Variants in FAM217A observed in about 807,000 individuals in gnomAD.
FAM217A encodes the protein family with sequence similarity 217 member A.
In FAM217A, 13 loss-of-function variants were observed where a neutral mutation model predicts 18.5. The ratio of observed to expected loss-of-function variants is 0.70; its 90% CI spans 0.46 to 1.12. FAM217A has a LOEUF of 1.12. FAM217A is among the 50% of genes most tolerant of loss of function. The pLI is 0.00. For missense variants in FAM217A, 560 were observed against 575.4 expected, an observed-to-expected ratio of 0.97 and a Z score of 0.27; for synonymous variants, 161 against 202.8, an observed-to-expected ratio of 0.79 and a Z score of 1.75.
rs541242362 is a variant in FAM217A at position 4,076,322 on chromosome 6, C to G, written c.60+1033G>C. Among the ~76,000 whole-genome samples the G allele has an allele frequency of 1.7e-3, 244 of 139,910 alleles. 2 individuals carry two copies. Among genetic ancestry groups the G allele is most frequent in the Non-Finnish European group, 2.0e-3 (132 of 65,602 alleles). The allele number at this position is 139,910 out of a possible 152,430, so 91.8% of individuals were successfully genotyped here. ...CCACCCTGGGTGACAGAGTGAGACT[C>G]CGTCTCAAAAAAAAAGAAAAAAAAA... On this transcript the variant is annotated intron_variant, in intron 2 of 6. Transcript: ENST00000274673.
chr6:4,086,414 C>G, intron 1 of FAM217A, among the ~76,000 whole-genome samples: 1 of 146,650 alleles, frequency 6.8e-6, no homozygotes, highest in East Asian at 2.0e-4. Context: ...CCATTACACT[C>G]CTGCCTGGGC....
intron 1 of FAM217A, among the ~76,000 whole-genome samples, chr6:4,078,588 G>A (rs1770026923): frequency 6.6e-6 from 1 of 152,188 alleles, no homozygotes; most frequent in Non-Finnish European, 1.5e-5. Flanking sequence ...GTGTCAAGAA[G>A]GAGGGCATCC....
Position 4,079,055 on chromosome 6 carries a change from G to A in FAM217A, c.-238C>T. On this transcript the variant is annotated 5_prime_UTR_variant, in exon 1 of 7. Coordinates refer to ENST00000274673, the MANE Select transcript of FAM217A (RefSeq NM_173563.3). ...CAGTGCAGGGCCTGCGAAGCCCGCG[G>A]GCCGGCGCAGGGGTGGGAGTCGGGC... The A allele has an allele frequency of 2.7e-6, 1 of 372,160 alleles. No homozygotes were observed. The highest frequency in any genetic ancestry group is 4.8e-6 in the Non-Finnish European group (1 of 208,928). 23.1% of individuals were successfully genotyped at this position (372,160 alleles called of 1,614,324 possible).
rs1770536500 is a variant in FAM217A at position 4,084,787 on chromosome 6, G to C, written c.42C>G (p.Tyr14Ter). 1.4e-6 allele frequency: 1 copy of C among 702,992 alleles called. No individual in the cohort carries two copies. The allele number at this position is 702,992 out of a possible 1,614,324, so 43.5% of individuals were successfully genotyped here. Residue 14 changes from tyrosine (Y) to a stop codon, truncating the protein, a stop_gained, in exon 2 of 9, where the codon TAC becomes TAG. Transcript: ENST00000639338. LOFTEE classifies it high-confidence loss of function. Reference sequence around the variant, plus strand: ...CACCATGGCGAGGGGGAAGAAGAAGGTATTCAGGAGACACAGCAACCCTCT... The same window carrying C: ...CACCATGGCGAGGGGGAAGAAGAAGCTATTCAGGAGACACAGCAACCCTCT...
upstream of FAM217A, among the ~76,000 whole-genome samples, chr6:4,080,921 AAAAG>A (rs1461452606): frequency 3.3e-5 from 5 of 151,884 alleles, no homozygotes; most frequent in African/African-American, 4.9e-5. Flanking sequence ...CAAAAAAAAA[AAAAG>A]GAGAGAAAAC....
Position 4,073,433 on chromosome 6 carries a change from C to G in FAM217A, c.234G>C (p.Gln78His). 1 of 1,612,048 alleles carries G rather than the reference C, an allele frequency of 6.2e-7. No individual in the cohort carries two copies. The highest frequency in any genetic ancestry group is 1.3e-5 in the African/African-American group (1 of 74,926). ...NLSVHSQKSTQNSKQGIFQLW... is the reference protein window; with the variant it reads ...NLSVHSQKSTHNSKQGIFQLW... ...AAGGGTATGAAGAATAAAATCCCAC[C>G]TGTGTACTTTTTTGACTATGCACCG... The change falls in exon 5 of 7, where the codon CAG (glutamine) becomes CAC (histidine). Residue 78 changes from glutamine (Q) to histidine (H), a missense_variant and splice_region_variant. Gln to His is a conservative substitution (Grantham distance 24). Transcript: ENST00000274673.
chr6:4,074,417 C>A, intron 4 of FAM217A, 26 bp downstream of exon 4: 1 of 1,559,822 alleles, frequency 6.4e-7, no homozygotes, highest in Non-Finnish European at 8.8e-7. Flanking sequence ...TTTATGAATA[C>A]CTTAAAACCA....
At chr6:4,087,230 T>C (rs1006159403), upstream of FAM217A, 9 of 1,021,508 alleles carry the variant, frequency 8.8e-6, no homozygotes, top group African/African-American at 1.2e-4. Flanking sequence ...AGCAAAGCTC[T>C]CAGTTTTCCC....
chr6:4,082,584 CAG>C (rs1770371935), upstream of FAM217A, among the ~76,000 whole-genome samples: 1 of 152,192 alleles, frequency 6.6e-6, no homozygotes, highest in Non-Finnish European at 1.5e-5. Context: ...ACCCCCATTC[CAG>C]AGAGTGGCCC....
intron 2 of FAM217A, among the ~76,000 whole-genome samples, chr6:4,076,532 G>A (rs1769807420): frequency 6.6e-6 from 1 of 152,144 alleles, no homozygotes; most frequent in African/African-American, 2.4e-5. Flanking sequence ...AAATGCACGT[G>A]AGAGAAATAT....
chr6:4,075,768 A>G (rs933385891), intron 2 of FAM217A, among the ~76,000 whole-genome samples: 1 of 152,236 alleles, frequency 6.6e-6, no homozygotes, highest in Non-Finnish European at 1.5e-5. Context: ...TTCACTAAGG[A>G]GGAACAGAGA....
intron 2 of FAM217A, chr6:4,084,568 C>CA (rs1353817626): frequency 1.4e-6 from 1 of 702,454 alleles, no homozygotes; most frequent in African/African-American, 1.7e-5. Context: ...GTCTCAGTGT[C>CA]AGAACTTACT....
rs767535287 is a variant in FAM217A, at chr6:4,084,571, A to G, written c.251+7T>C. On this transcript the variant is annotated splice_region_variant and intron_variant, in intron 2 of 8. Coordinates refer to the FAM217A transcript ENST00000639338. ...ATTTTGGTTAAAGTCTCAGTGTCAGAACTTACTTTCTGGTGCCAGGAAAGG... is the reference window on the plus strand; with the variant it reads ...ATTTTGGTTAAAGTCTCAGTGTCAGGACTTACTTTCTGGTGCCAGGAAAGG... 27 of 702,664 alleles carry G rather than the reference A, an allele frequency of 3.8e-5. 1 individual carries two copies. Among genetic ancestry groups the G allele is most frequent in the Non-Finnish European group, 1.0e-5 (4 of 384,882 alleles). The allele number at this position is 702,664 out of a possible 1,614,324, so 43.5% of individuals were successfully genotyped here.
At position 4,068,550 on chromosome 6, in the gene FAM217A, C is replaced by G. The variant is rs972470555; in HGVS notation, c.*146G>C. The stretch of plus-strand genomic sequence containing the variant: ...ATAGACATCTCAGCAGTGCTTTTCA[C>G]AAGTTCTACTCCATATCACATCAAG... On this transcript the variant is annotated 3_prime_UTR_variant, in exon 7 of 7. Transcript: ENST00000274673. 3 of 816,466 alleles carry G rather than the reference C, an allele frequency of 3.7e-6. No homozygotes were observed. In the South Asian group the frequency reaches 6.1e-5, roughly 17 times the overall value. 50.6% of individuals were successfully genotyped at this position (816,466 alleles called of 1,614,324 possible). A position where few individuals can be genotyped will look rare whatever the true frequency, so the allele number is the denominator to read the frequency against.
Position 4,074,433 on chromosome 6 carries a change from T to G in FAM217A, c.159+10A>C. 6.4e-7 allele frequency: 1 copy of G among 1,570,458 alleles called. No individual in the cohort carries two copies. Among genetic ancestry groups the G allele is most frequent in the African/African-American group, 1.4e-5 (1 of 73,610 alleles). ...TTATGAATACCTTAAAACCAAACAT[T>G]CATCCTTACCTTGTTAATTTTGCCT... is the stretch of plus-strand genomic sequence containing the variant. On this transcript the variant is annotated intron_variant, in intron 4 of 6. Transcript: ENST00000274673.
Position 4,078,877 on chromosome 6 carries a change from C to A in FAM217A, c.-60G>T. 1 of 551,500 alleles carries A rather than the reference C, an allele frequency of 1.8e-6. No individual in the cohort carries two copies. The highest frequency in any genetic ancestry group is 3.3e-6 in the Non-Finnish European group (1 of 306,292). 34.2% of individuals were successfully genotyped at this position (551,500 alleles called of 1,614,324 possible). On this transcript the variant is annotated 5_prime_UTR_variant, in exon 1 of 7. Coordinates refer to ENST00000274673, the MANE Select transcript of FAM217A (RefSeq NM_173563.3). ...CGCGCGAAGGCCCACGTGTCCTCCCCGGCGTGCTCTCCCGGTGCGCCGCCC... is the reference window on the plus strand; with the variant it reads ...CGCGCGAAGGCCCACGTGTCCTCCCAGGCGTGCTCTCCCGGTGCGCCGCCC...
upstream of FAM217A, among the ~76,000 whole-genome samples, chr6:4,080,924 AG>A (rs1770253869): frequency 6.7e-6 from 1 of 149,538 alleles, no homozygotes; most frequent in African/African-American, 2.5e-5. Flanking sequence ...AAAAAAAAAA[AG>A]GAGAGAAAAC....
intron 4 of FAM217A, 68 bp from the exon 5 acceptor site, chr6:4,073,575 T>C (rs958184968): frequency 1.6e-6 from 2 of 1,274,482 alleles, no homozygotes; most frequent in Non-Finnish European, 2.2e-6. Context: ...TAACAATGTA[T>C]AGTTCTTGTT....
chr6:4,074,262 AC>A (rs1269067104), intron 4 of FAM217A, among the ~76,000 whole-genome samples, 180 bp downstream of exon 4: 9 of 152,372 alleles, frequency 5.9e-5, no homozygotes, highest in Admixed American at 1.3e-4. Flanking sequence ...ACTTAATATA[AC>A]AAAATATTCA....
Sources: allele counts gnomAD v4.1 joint callset (sites outside exome capture counted in the v4.1 genomes callset), GRCh38; gene constraint gnomAD v4.1.1; transcripts MANE v1.5; gene names NCBI Gene and HGNC (gene_info 2026-07-23, HGNC 2026-07-21).